DCDC1: variants seen among roughly 807,000 people sequenced by gnomAD.
The protein encoded by DCDC1 is doublecortin domain containing 1.
Under a neutral mutation model 178.3 loss-of-function variants are expected in DCDC1, and 200 were observed. The ratio of observed to expected loss-of-function variants is 1.12; its 90% CI spans 1.00 to 1.26. The LOEUF is 1.26. Ranked by LOEUF, DCDC1 falls within the 50% of genes most tolerant of loss-of-function variation. The probability of loss-of-function intolerance (pLI) is 0.00; values close to 1 mark genes in which losing one functional copy is unlikely to be tolerated. For missense variants in DCDC1, 1,983 were observed against 1,749.2 expected (o/e 1.13, Z -2.38); for synonymous variants, 690 against 604.8 (o/e 1.14, Z -2.07).
intron 18 of DCDC1, among the ~76,000 whole-genome samples, chr11:31,069,042 A>G (rs963949867): frequency 6.6e-6 from 1 of 151,946 alleles, no homozygotes; most frequent in Non-Finnish European, 1.5e-5. Context: ...TAGTAGAGAC[A>G]GGGTTTCACC....
At chr11:31,041,918 C>G (rs1954485118) in intron 20 of DCDC1, among the ~76,000 whole-genome samples, 1 of 152,066 alleles carries the variant, frequency 6.6e-6, no homozygotes, top group Non-Finnish European at 1.5e-5. Flanking sequence ...AATATTAGAA[C>G]AAAGAACTAA....
At chr11:31,224,789 C>T (rs1045831864) in intron 9 of DCDC1, among the ~76,000 whole-genome samples, 1 of 151,928 alleles carries the variant, frequency 6.6e-6, no homozygotes, top group African/African-American at 2.4e-5. Context: ...CAGGGAAATG[C>T]AAATTAGAAC....
At chr11:31,120,760 C>A (rs2135885137) in intron 11 of DCDC1, among the ~76,000 whole-genome samples, 1 of 152,248 alleles carries the variant, frequency 6.6e-6, no homozygotes, top group Middle Eastern at 3.4e-3. Flanking sequence ...AGACATCACA[C>A]ATTCTCCTTG....
intron 20 of DCDC1, among the ~76,000 whole-genome samples, chr11:31,040,585 G>T (rs969215551): frequency 6.6e-5 from 10 of 152,180 alleles, no homozygotes; most frequent in Non-Finnish European, 1.2e-4. Context: ...GCCATAAAAG[G>T]TTCAAATATT....
At chr11:31,182,035 T>C (rs1208897623) in intron 9 of DCDC1, among the ~76,000 whole-genome samples, 1 of 151,802 alleles carries the variant, frequency 6.6e-6, no homozygotes, top group East Asian at 1.9e-4. Flanking sequence ...GAAAACAACA[T>C]TACAGAAAAA....
chr11:31,359,442 G>C (rs1199164739), intron 1 of DCDC1, among the ~76,000 whole-genome samples: 1 of 128,036 alleles, frequency 7.8e-6, no homozygotes, highest in Non-Finnish European at 1.6e-5. Context: ...TGTGGGGTGG[G>C]GGGAGGGGGA....
chr11:31,214,355 A>G (rs1973260706), intron 9 of DCDC1, among the ~76,000 whole-genome samples: 2 of 152,188 alleles, frequency 1.3e-5, no homozygotes, highest in Admixed American at 1.3e-4. Context: ...TTTTTTGAAA[A>G]CTACATTTCA....
intron 1 of DCDC1, among the ~76,000 whole-genome samples, chr11:31,358,649 G>A (rs1485651590): frequency 6.6e-6 from 1 of 151,996 alleles, no homozygotes; most frequent in African/African-American, 2.4e-5. Context: ...GAGTGAACAG[G>A]CAACCTACAA....
At chr11:30,883,440 C>G (rs1410872055) in intron 36 of DCDC1, 3 of 456,802 alleles carry the variant, frequency 6.6e-6, no homozygotes, top group East Asian at 7.3e-5. Flanking sequence ...ATACATTAAC[C>G]TTAAGCAGTT....
Position 30,917,002 on chromosome 11 carries a change from C to T in DCDC1, c.3320G>A (p.Arg1107Gln), listed in dbSNP as rs755823152. Residue 1107 changes from arginine (R) to glutamine (Q), a missense_variant, in exon 26 of 39, where the codon CGA becomes CAA. Arg to Gln is a conservative substitution (Grantham distance 43, BLOSUM62 1). Coordinates refer to ENST00000684477, the MANE Select transcript of DCDC1 (RefSeq NM_001387274.1). Reference protein sequence around the residue: ...ILDSHVRAHLRMKACHTLPRY... With the variant: ...ILDSHVRAHLQMKACHTLPRY... ...GGGAAGTGTGTGACAAGCCTTCATT[C>T]GAAGATGAGCTCTTACGTGTGAATC... is the stretch of plus-strand genomic sequence containing the variant. 7 of 1,607,522 alleles carry T rather than the reference C, an allele frequency of 4.4e-6. No individual in the cohort carries two copies. Among genetic ancestry groups the T allele is most frequent in the South Asian group, 3.4e-5 (3 of 88,764 alleles).
At chr11:30,875,214 T>C (rs1407672924) in intron 38 of DCDC1, among the ~76,000 whole-genome samples, 1 of 152,178 alleles carries the variant, frequency 6.6e-6, no homozygotes, top group Middle Eastern at 3.2e-3. Flanking sequence ...GATCTTGCTT[T>C]GTAGTTGCTT....
intron 8 of DCDC1, among the ~76,000 whole-genome samples, chr11:31,246,077 T>C (rs1943542068): frequency 6.6e-6 from 1 of 151,932 alleles, no homozygotes; most frequent in Non-Finnish European, 1.5e-5. Flanking sequence ...ACATCCTACA[T>C]TGAAAGGGCC....
intron 9 of DCDC1, among the ~76,000 whole-genome samples, chr11:31,240,107 C>T (rs2616813): frequency 0.093 from 14,077 of 151,612 alleles, 1,805 homozygotes; most frequent in African/African-American, 0.29. Context: ...TTTTAAATTT[C>T]AATAAGTGGA....
At chr11:31,158,311 G>GT (rs1965951560) in intron 9 of DCDC1, among the ~76,000 whole-genome samples, 1 of 151,518 alleles carries the variant, frequency 6.6e-6, no homozygotes. Flanking sequence ...TAGAGACGGG[G>GT]TTTCACCATG....
intron 20 of DCDC1, among the ~76,000 whole-genome samples, chr11:30,957,397 C>T (rs2134538183): frequency 6.6e-6 from 1 of 152,306 alleles, no homozygotes; most frequent in African/African-American, 2.4e-5. Flanking sequence ...ATCTCTGAAA[C>T]TCCAATGAAA....
In DCDC1 at chr11:30,916,945, A is replaced by G. The variant is rs1945883405; in HGVS notation, c.3377T>C (p.Phe1126Ser). The change falls in exon 26 of 39, where the codon TTT becomes TCT. Residue 1126 changes from phenylalanine to serine, a missense_variant. By Grantham distance (155) the Phe-to-Ser change is radical. Coordinates refer to ENST00000684477, the MANE Select transcript of DCDC1 (RefSeq NM_001387274.1). ...CTTTGGAAGACTGTCATCCTCATCA[A>G]AGTCATGTGAAGTTTCCTGCCAGGC... ...RYAWQETSHD[F>S]DEDDSLPKKT... 2 of 1,610,610 alleles carry G rather than the reference A, an allele frequency of 1.2e-6. No homozygotes were observed. The highest frequency in any genetic ancestry group is 1.7e-6 in the Non-Finnish European group (2 of 1,178,424).
chr11:31,225,674 A>T (rs890105961), intron 9 of DCDC1, among the ~76,000 whole-genome samples: 4 of 148,944 alleles, frequency 2.7e-5, no homozygotes, highest in African/African-American at 1.0e-4. Flanking sequence ...CTAGAGAGGA[A>T]GCACAGGGAA....
chr11:30,925,529 T>C lies in DCDC1; in HGVS notation c.2898-121A>G, dbSNP rs1386084004. ...ACAACTCTCTCTGCAGGACTGTTAGTCATGAGCTGGACTCTGGGGCCCATC... is the reference window on the plus strand; with the variant it reads ...ACAACTCTCTCTGCAGGACTGTTAGCCATGAGCTGGACTCTGGGGCCCATC... On this transcript the variant is annotated intron_variant, in intron 22 of 38. Transcript: ENST00000684477. 7.1e-6 allele frequency: 6 copies of C among 841,952 alleles called. No homozygotes were observed. The Admixed American group carries it at 1.5e-4, about 21-fold the overall frequency. 52.2% of individuals were successfully genotyped at this position (841,952 alleles called of 1,614,324 possible).
At chr11:30,904,722 C>T in intron 31 of DCDC1, 1 of 526,094 alleles carries the variant, frequency 1.9e-6, no homozygotes, top group South Asian at 2.5e-5. Flanking sequence ...TTATAGATCT[C>T]TGCTCTAGAG....
Sources: gnomAD v4.1 joint callset for allele counts (sites outside exome capture counted in the v4.1 genomes callset) on GRCh38, gnomAD v4.1.1 for gene constraint, MANE v1.5 for transcripts, NCBI Gene and HGNC (gene_info 2026-07-23, HGNC 2026-07-21) for gene names.